NFIB: variants seen among roughly 807,000 people sequenced by gnomAD.
NFIB encodes the protein nuclear factor I B.
In NFIB, 11 loss-of-function variants were observed where a neutral mutation model predicts 61.5. The observed-to-expected ratio is 0.18, with a 90% CI of 0.11 to 0.30. NFIB has a LOEUF of 0.30. Among genes scored for constraint, NFIB ranks in the 10% least tolerant of loss-of-function variants. NFIB has a pLI of 1.00. For synonymous variants in NFIB, 260 were observed against 216.5 expected, an observed-to-expected ratio of 1.20 and a Z score of -1.76; for missense variants, 471 against 608.9, an observed-to-expected ratio of 0.77 and a Z score of 2.38.
intron 2 of NFIB, among the ~76,000 whole-genome samples, chr9:14,294,918 G>T (rs547754794): frequency 5.9e-5 from 9 of 152,138 alleles, no homozygotes; most frequent in Non-Finnish European, 1.2e-4. Context: ...TTCAGTGGCC[G>T]TAGGGAAACA....
chr9:14,130,623 T>C (rs1302332764), intron 6 of NFIB, among the ~76,000 whole-genome samples: 5 of 152,218 alleles, frequency 3.3e-5, no homozygotes, highest in Middle Eastern at 3.4e-3. Flanking sequence ...GAACATGCTT[T>C]TACCAAAAAC....
At chr9:14,239,884 T>A (rs1186195341) in intron 2 of NFIB, among the ~76,000 whole-genome samples, 11 of 152,092 alleles carry the variant, frequency 7.2e-5, no homozygotes, top group Non-Finnish European at 1.5e-4. Flanking sequence ...AACATTACAT[T>A]TCACTTTTCC....
At chr9:14,235,673 C>G (rs2053666760) in intron 2 of NFIB, among the ~76,000 whole-genome samples, 1 of 152,192 alleles carries the variant, frequency 6.6e-6, no homozygotes, top group African/African-American at 2.4e-5. Flanking sequence ...TCTTCACGTA[C>G]TGCTGAATTA....
intron 1 of NFIB, chr9:14,322,463 C>T (rs1244253980): frequency 8.7e-6 from 2 of 230,372 alleles, no homozygotes; most frequent in East Asian, 1.2e-4. Context: ...TCGGATTGGC[C>T]TGGCCCGCGG....
At chr9:14,209,170 A>T (rs2050056406) in intron 2 of NFIB, among the ~76,000 whole-genome samples, 1 of 152,184 alleles carries the variant, frequency 6.6e-6, no homozygotes, top group Non-Finnish European at 1.5e-5. Context: ...TGTTTCTGAC[A>T]TGGAGATATT....
intron 1 of NFIB, among the ~76,000 whole-genome samples, chr9:14,353,723 C>G (rs1412309373): frequency 6.6e-6 from 1 of 152,186 alleles, no homozygotes; most frequent in Non-Finnish European, 1.5e-5. Flanking sequence ...ACCCGGGGAC[C>G]AGCTGGAGGA....
At chr9:14,374,732 A>G (rs1288259247) in intron 1 of NFIB, among the ~76,000 whole-genome samples, 1 of 152,156 alleles carries the variant, frequency 6.6e-6, no homozygotes, top group East Asian at 1.9e-4. Flanking sequence ...CAACATGGTG[A>G]AACCCTGTCT....
intron 2 of NFIB, among the ~76,000 whole-genome samples, chr9:14,268,496 T>C (rs1294872680): frequency 2.0e-5 from 3 of 152,148 alleles, no homozygotes; most frequent in Admixed American, 6.5e-5. Context: ...CCCAATGACT[T>C]ACCTTTTCTT....
the NFIB span, among the ~76,000 whole-genome samples, chr9:14,427,979 C>G: frequency 1.3e-4 from 8 of 62,218 alleles, no homozygotes; most frequent in Admixed American, 2.3e-4. Context: ...GGATCTCACT[C>G]TGTCACTCAG....
chr9:14,486,088 T>C, the NFIB span, among the ~76,000 whole-genome samples: 3 of 152,148 alleles, frequency 2.0e-5, no homozygotes, highest in Non-Finnish European at 4.4e-5. Flanking sequence ...CCAAATGCAG[T>C]CATGTCTAAA....
Position 14,161,164 on chromosome 9 carries a change from A to G in NFIB, c.617-5271T>C, listed in dbSNP as rs2044159752. Among the ~76,000 whole-genome samples, 3 of 152,334 alleles carry G rather than the reference A, an allele frequency of 2.0e-5. No homozygotes were observed. In the South Asian group the frequency reaches 6.2e-4, roughly 32 times the overall value. On this transcript the variant is annotated intron_variant, in intron 3 of 10. Transcript: ENST00000380953. ...GGTAATTTTCTGGTAGTGATGTTAC[A>G]GGACATAGTTCTATCTTCAGTTTCT...
chr9:14,256,518 G>A (rs1410410521), intron 2 of NFIB, among the ~76,000 whole-genome samples: 1 of 152,050 alleles, frequency 6.6e-6, no homozygotes, highest in Non-Finnish European at 1.5e-5. Flanking sequence ...AGACTAATTA[G>A]AAGATAGAGA....
intron 1 of NFIB, among the ~76,000 whole-genome samples, chr9:14,351,946 G>A (rs1303010040): frequency 6.6e-6 from 1 of 152,214 alleles, no homozygotes; most frequent in African/African-American, 2.4e-5. Context: ...TGAGAGCAGA[G>A]TGTGCCACAG....
intron 3 of NFIB, among the ~76,000 whole-genome samples, chr9:14,157,615 A>C (rs942579374): frequency 6.6e-6 from 1 of 152,180 alleles, no homozygotes; most frequent in Non-Finnish European, 1.5e-5. Flanking sequence ...GGTTAAATTC[A>C]TTTCAGTAAT....
chr9:14,309,882 AG>A (rs2060202482), intron 1 of NFIB, among the ~76,000 whole-genome samples: 1 of 152,226 alleles, frequency 6.6e-6, no homozygotes, highest in African/African-American at 2.4e-5. Flanking sequence ...GAATGTAAAG[AG>A]CACATGAGGT....
upstream of NFIB, among the ~76,000 whole-genome samples, chr9:14,318,484 C>A (rs980958333): frequency 1.5e-5 from 2 of 133,826 alleles, no homozygotes; most frequent in African/African-American, 5.5e-5. Flanking sequence ...ACAAAGCTGT[C>A]ATTTCCAATA....
intron 2 of NFIB, among the ~76,000 whole-genome samples, chr9:14,269,552 G>C (rs1485233015): frequency 6.6e-6 from 1 of 152,152 alleles, no homozygotes; most frequent in Non-Finnish European, 1.5e-5. Context: ...ATGGTATTGA[G>C]ACATATGTGT....
intron 2 of NFIB, 100 bp downstream of exon 2, chr9:14,306,888 CT>C: frequency 7.0e-7 from 1 of 1,430,760 alleles, no homozygotes; most frequent in Non-Finnish European, 9.6e-7. Flanking sequence ...TGGAGGATAT[CT>C]AGGGGCCTTG....
chr9:14,516,252 T>TTTA, the NFIB span, among the ~76,000 whole-genome samples: 2 of 152,264 alleles, frequency 1.3e-5, no homozygotes, highest in East Asian at 3.9e-4. Context: ...GTTGAATCTT[T>TTTA]TTATTATTAT....
Sources: gnomAD v4.1 joint callset for allele counts (sites outside exome capture counted in the v4.1 genomes callset) on GRCh38, gnomAD v4.1.1 for gene constraint, MANE v1.5 for transcripts, NCBI Gene and HGNC (gene_info 2026-07-23, HGNC 2026-07-21) for gene names.